Variants in TTC23 observed in about 807,000 individuals in gnomAD.
The protein encoded by TTC23 is tetratricopeptide repeat domain 23.
A neutral mutation model predicts 55.1 loss-of-function variants in TTC23; 58 were observed. The ratio of observed to expected loss-of-function variants is 1.05; its 90% CI spans 0.85 to 1.31. The LOEUF (loss-of-function observed/expected upper bound fraction) is 1.31, where lower values mean the gene tolerates loss of function less well. Among genes scored for constraint, TTC23 ranks in the 50% most tolerant of loss-of-function variants. The probability of loss-of-function intolerance (pLI) is 0.00; values close to 1 mark genes in which losing one functional copy is unlikely to be tolerated. For synonymous variants in TTC23, 203 were observed against 199.9 expected, an observed-to-expected ratio of 1.02 and a Z score of -0.13; for missense variants, 516 against 534.4, an observed-to-expected ratio of 0.97 and a Z score of 0.34.
At position 99,181,774 on chromosome 15, in the gene TTC23, C is replaced by T. The variant is rs115906805; in HGVS notation, c.760-6619G>A. Reference sequence around the variant, plus strand: ...TGGTGAACCTTGGCTAAGAAAAAGACGGAGCTGGGAATCCCTGGGGGATTA... The same window carrying T: ...TGGTGAACCTTGGCTAAGAAAAAGATGGAGCTGGGAATCCCTGGGGGATTA... On this transcript the variant is annotated intron_variant, in intron 9 of 13. Transcript: ENST00000394132. 8.8e-3 allele frequency among the ~76,000 whole-genome samples: 1,338 copies of T among 152,196 alleles called. 20 individuals carry two copies. The highest frequency in any genetic ancestry group is 0.031 in the African/African-American group (1,291 of 41,514).
At chr15:99,226,673 G>GCCTA (rs2078450198) in intron 5 of TTC23, among the ~76,000 whole-genome samples, 1 of 151,996 alleles carries the variant, frequency 6.6e-6, no homozygotes, top group African/African-American at 2.4e-5. Context: ...TCCTGCTTGT[G>GCCTA]CCTACCCTGT....
In TTC23 at chr15:99,190,451, T is replaced by G. The variant is rs1892698247; in HGVS notation, c.759+9468A>C. ...CCATGCCTAGCTAATTTCCTTGTTCTTATAAAACATACACTGAAGTATTCA... is the reference window on the plus strand; with the variant it reads ...CCATGCCTAGCTAATTTCCTTGTTCGTATAAAACATACACTGAAGTATTCA... On this transcript the variant is annotated intron_variant, in intron 9 of 13. Coordinates refer to ENST00000394132, the MANE Select transcript of TTC23 (RefSeq NM_001288615.3). Among the ~76,000 whole-genome samples the G allele has an allele frequency of 2.0e-5, 3 of 152,078 alleles. No individual in the cohort carries two copies. In the South Asian group the frequency reaches 6.2e-4, roughly 32 times the overall value.
upstream of TTC23, among the ~76,000 whole-genome samples, chr15:99,249,998 T>G (rs958311924): frequency 1.3e-5 from 2 of 151,926 alleles, no homozygotes; most frequent in African/African-American, 4.8e-5. Context: ...TATTCCCCAT[T>G]AAAAAAAAGA....
chr15:99,223,994 C>G (rs553926043), intron 5 of TTC23, among the ~76,000 whole-genome samples: 4 of 152,286 alleles, frequency 2.6e-5, no homozygotes, highest in African/African-American at 9.6e-5. Context: ...CTAGGATGCA[C>G]GCCCATCAAT....
intron 11 of TTC23, 60 bp from the exon 12 acceptor site, chr15:99,156,357 C>A (rs187661618): frequency 1.9e-6 from 3 of 1,585,796 alleles, no homozygotes; most frequent in African/African-American, 1.3e-5. Flanking sequence ...AGGATCATTA[C>A]GCAACTTGTA....
intron 5 of TTC23, among the ~76,000 whole-genome samples, chr15:99,222,510 G>A (rs1018602435): frequency 6.6e-6 from 1 of 152,182 alleles, no homozygotes; most frequent in Non-Finnish European, 1.5e-5. Context: ...CTATAGTTTA[G>A]CTCTCAATTC....
At chr15:99,240,328 T>C (rs2152092930) in intron 3 of TTC23, among the ~76,000 whole-genome samples, 2 of 152,326 alleles carry the variant, frequency 1.3e-5, no homozygotes, top group South Asian at 4.1e-4. Context: ...CTCTTAATAT[T>C]GCATCCTTAA....
At chr15:99,157,836 T>A (rs78434895) in intron 11 of TTC23, 4 of 152,220 alleles carry the variant, frequency 2.6e-5, no homozygotes, top group African/African-American at 9.6e-5. Flanking sequence ...AGTATGTCAA[T>A]CCTCCATACT....
At chr15:99,200,167 T>TAG in intron 8 of TTC23, 71 bp from the exon 9 acceptor site, 1 of 1,348,388 alleles carries the variant, frequency 7.4e-7, no homozygotes, top group Admixed American at 2.6e-5. Flanking sequence ...GGTGAGCTGG[T>TAG]AGTTGGGATG....
chr15:99,190,628 C>T (rs905743726), intron 9 of TTC23, among the ~76,000 whole-genome samples: 2 of 152,148 alleles, frequency 1.3e-5, no homozygotes, highest in African/African-American at 4.8e-5. Flanking sequence ...AAATACGTTA[C>T]AATGGTGGTG....
At chr15:99,177,966 G>A (rs1403749846) in intron 9 of TTC23, among the ~76,000 whole-genome samples, 1 of 152,124 alleles carries the variant, frequency 6.6e-6, no homozygotes, top group Non-Finnish European at 1.5e-5. Context: ...GATCACTTGA[G>A]CTCAGGAGTT....
At chr15:99,150,763 GGGCCATAGTTTGGGACCCTTGCTTAAA>G (rs2069612685) in intron 12 of TTC23, among the ~76,000 whole-genome samples, 2 of 152,214 alleles carry the variant, frequency 1.3e-5, no homozygotes, top group African/African-American at 2.4e-5. Context: ...TTTGGCCTGT[GGGCCATAGTTTGGGACCCTTGCTTAAA>G]GGATCAGGTC....
chr15:99,213,919 C>T (rs951815805), intron 8 of TTC23, among the ~76,000 whole-genome samples: 7 of 152,150 alleles, frequency 4.6e-5, no homozygotes, highest in Non-Finnish European at 7.3e-5. Context: ...AGTAGTGATA[C>T]TGCTGGGTCA....
chr15:99,233,119 A>G (rs2079058577), intron 4 of TTC23, among the ~76,000 whole-genome samples: 2 of 152,198 alleles, frequency 1.3e-5, no homozygotes, highest in Non-Finnish European at 2.9e-5. Context: ...AATGCTGGTT[A>G]GCGGAGGTTG....
intron 4 of TTC23, among the ~76,000 whole-genome samples, chr15:99,229,087 T>C: frequency 1.5e-5 from 2 of 132,552 alleles, no homozygotes; most frequent in African/African-American, 5.5e-5. Flanking sequence ...TATGTACATA[T>C]ATATATAAAG....
chr15:99,199,817 G>T, intron 9 of TTC23, 102 bp downstream of exon 9: 1 of 1,216,408 alleles, frequency 8.2e-7, no homozygotes, highest in African/African-American at 1.5e-5. Context: ...CTTATCTAGA[G>T]CAAATGACAA....
chr15:99,199,059 G>A lies in TTC23; in HGVS notation c.759+860C>T, dbSNP rs150562687. On this transcript the variant is annotated intron_variant, in intron 9 of 13. Coordinates refer to ENST00000394132, the MANE Select transcript of TTC23 (RefSeq NM_001288615.3). Reference sequence around the variant, plus strand: ...AGTCTAGGTGTTGCAGTGAATACACGGTGTTTTGTAGATGTGATTAATATT... The same window carrying A: ...AGTCTAGGTGTTGCAGTGAATACACAGTGTTTTGTAGATGTGATTAATATT... Among the ~76,000 whole-genome samples, 522 of 152,244 alleles carry A rather than the reference G, an allele frequency of 3.4e-3. 5 individuals are homozygous for A. The highest frequency in any genetic ancestry group is 0.011 in the African/African-American group (444 of 41,526).
intron 10 of TTC23, 107 bp from the exon 11 acceptor site, chr15:99,161,974 G>A: frequency 1.6e-6 from 2 of 1,252,324 alleles, no homozygotes; most frequent in African/African-American, 1.5e-5. Flanking sequence ...AGAGGTATTG[G>A]GACAAGAAAA....
In TTC23 at chr15:99,147,202, G is replaced by T. The variant is rs141613002; in HGVS notation, c.1144-7803C>A. Reference sequence around the variant, plus strand: ...GTTGGGATTATAGGTGTGAGCCACAGCGCTGGGCCTCCAAATTCATTCCTT... The same window carrying T: ...GTTGGGATTATAGGTGTGAGCCACATCGCTGGGCCTCCAAATTCATTCCTT... On this transcript the variant is annotated intron_variant, in intron 12 of 13. Transcript: ENST00000394132. Among the ~76,000 whole-genome samples, 1,203 of 145,230 alleles carry T rather than the reference G, an allele frequency of 8.3e-3. 60 individuals carry two copies. Among genetic ancestry groups the T allele is most frequent in the African/African-American group, 0.029 (1,070 of 36,954 alleles).
Sources: gnomAD v4.1 joint callset for allele counts (sites outside exome capture counted in the v4.1 genomes callset) on GRCh38, gnomAD v4.1.1 for gene constraint, MANE v1.5 for transcripts, NCBI Gene and HGNC (gene_info 2026-07-23, HGNC 2026-07-21) for gene names.